The following TMEM117 variants were observed in gnomAD, a reference collection of about 807,000 sequenced individuals.
TMEM117 encodes the protein transmembrane protein 117.
Under a neutral mutation model 52.4 loss-of-function variants are expected in TMEM117, and 27 were observed. That is an observed-to-expected ratio of 0.51 (90% CI 0.38 to 0.71). TMEM117 has a LOEUF of 0.71. TMEM117 is among the 30% of genes least tolerant of loss of function. TMEM117 has a pLI of 0.00. For missense variants in TMEM117, 556 were observed against 630.5 expected (o/e 0.88, Z 1.26); for synonymous variants, 215 against 206.3 (o/e 1.04, Z -0.36).
At chr12:43,877,142 T>C (rs1943811371) in intron 2 of TMEM117, among the ~76,000 whole-genome samples, 1 of 152,180 alleles carries the variant, frequency 6.6e-6, no homozygotes, top group South Asian at 2.1e-4. Flanking sequence ...CATTAAAAAT[T>C]ATGCTCATTT....
intron 3 of TMEM117, among the ~76,000 whole-genome samples, chr12:44,110,285 G>C (rs1214047007): frequency 6.7e-6 from 1 of 149,426 alleles, no homozygotes; most frequent in Non-Finnish European, 1.5e-5. Flanking sequence ...TCTTGTGCCA[G>C]TTTTCAAAGG....
intron 3 of TMEM117, among the ~76,000 whole-genome samples, chr12:44,027,946 C>T (rs1946570416): frequency 6.6e-6 from 1 of 152,166 alleles, no homozygotes; most frequent in Non-Finnish European, 1.5e-5. Flanking sequence ...TGGCTCACGC[C>T]TGTAATCCCA....
chr12:43,867,433 T>C (rs780309722), intron 2 of TMEM117, among the ~76,000 whole-genome samples: 3 of 152,186 alleles, frequency 2.0e-5, no homozygotes, highest in South Asian at 2.1e-4. Flanking sequence ...AGGAAGAGTA[T>C]ACAGATGGGA....
intron 6 of TMEM117, among the ~76,000 whole-genome samples, chr12:44,356,049 G>A (rs1456569995): frequency 6.6e-6 from 1 of 152,032 alleles, no homozygotes; most frequent in African/African-American, 2.4e-5. Context: ...GATGCCACAT[G>A]GTAAAAGAGA....
At chr12:43,926,249 C>T (rs999657817) in intron 2 of TMEM117, among the ~76,000 whole-genome samples, 1 of 152,276 alleles carries the variant, frequency 6.6e-6, no homozygotes, top group South Asian at 2.1e-4. Flanking sequence ...AAAACATTGG[C>T]TGGCATATCC....
At chr12:44,326,594 C>G (rs1056302679) in intron 6 of TMEM117, among the ~76,000 whole-genome samples, 2 of 152,194 alleles carry the variant, frequency 1.3e-5, no homozygotes, top group African/African-American at 4.8e-5. Flanking sequence ...TGCATCAGAT[C>G]ATATGAAGAG....
At chr12:44,376,470 A>G (rs1052204912) in intron 6 of TMEM117, 125 bp from the exon 7 acceptor site, 16 of 1,132,330 alleles carry the variant, frequency 1.4e-5, no homozygotes, top group South Asian at 3.9e-5. Flanking sequence ...TGAAACTGAT[A>G]TATCCAACAG....
chr12:44,000,296 A>G (rs1197347544), intron 3 of TMEM117, among the ~76,000 whole-genome samples: 2 of 152,300 alleles, frequency 1.3e-5, no homozygotes, highest in Non-Finnish European at 2.9e-5. Context: ...AGAAGTATGT[A>G]TGGAACTGAG....
At chr12:44,373,257 T>C (rs985141341) in intron 6 of TMEM117, among the ~76,000 whole-genome samples, 4 of 152,218 alleles carry the variant, frequency 2.6e-5, no homozygotes, top group African/African-American at 9.6e-5. Flanking sequence ...AGTAAGCTCC[T>C]GTTCTTCTGT....
chr12:44,374,272 AAGGC>A (rs1367091287), intron 6 of TMEM117, among the ~76,000 whole-genome samples: 3 of 152,176 alleles, frequency 2.0e-5, no homozygotes, highest in Admixed American at 2.0e-4. Flanking sequence ...GAATGGAGGC[AAGGC>A]TTTAAGAGAT....
upstream of TMEM117, among the ~76,000 whole-genome samples, chr12:43,834,514 T>C (rs1245611180): frequency 1.3e-5 from 2 of 152,164 alleles, no homozygotes; most frequent in African/African-American, 4.8e-5. Context: ...AGTGCTAGCA[T>C]AGGCAACAAC....
At chr12:43,806,410 G>A in the TMEM117 span, 1 of 1,154,402 alleles carries the variant, frequency 8.7e-7, no homozygotes, top group South Asian at 4.1e-5. Context: ...CGTCCCCGCC[G>A]CCCCGCCGCC....
chr12:44,007,195 A>G (rs1240863390), intron 3 of TMEM117, among the ~76,000 whole-genome samples: 1 of 152,194 alleles, frequency 6.6e-6, no homozygotes, highest in Admixed American at 6.5e-5. Flanking sequence ...AGCATACATA[A>G]TCAAATATGT....
At chr12:44,231,762 T>C (rs1183624872) in intron 5 of TMEM117, among the ~76,000 whole-genome samples, 1 of 151,838 alleles carries the variant, frequency 6.6e-6, no homozygotes, top group Non-Finnish European at 1.5e-5. Flanking sequence ...TGTTCAAGTT[T>C]CTTGCCCATG....
intron 3 of TMEM117, among the ~76,000 whole-genome samples, chr12:43,997,469 A>G (rs919676942): frequency 1.3e-5 from 2 of 152,176 alleles, no homozygotes; most frequent in African/African-American, 4.8e-5. Flanking sequence ...CATCAAGTTC[A>G]GACTACATAT....
chr12:43,796,953 A>T, the TMEM117 span: 37 of 1,603,296 alleles, frequency 2.3e-5, no homozygotes, highest in East Asian at 8.0e-4. Flanking sequence ...CAAAAACTGA[A>T]GATTTTAAAA....
At chr12:44,024,762 G>T (rs1301042245) in intron 3 of TMEM117, among the ~76,000 whole-genome samples, 1 of 151,936 alleles carries the variant, frequency 6.6e-6, no homozygotes, top group African/African-American at 2.4e-5. Flanking sequence ...TTATTTTAAC[G>T]ATTAGTCAGT....
chr12:44,164,399 A>T (rs1400875198), intron 4 of TMEM117, among the ~76,000 whole-genome samples: 1 of 152,070 alleles, frequency 6.6e-6, no homozygotes, highest in Non-Finnish European at 1.5e-5. Context: ...TCATTTTATC[A>T]TTCTTATGCC....
chr12:44,280,178 T>C (rs2138591857), intron 5 of TMEM117, among the ~76,000 whole-genome samples: 1 of 152,364 alleles, frequency 6.6e-6, no homozygotes, highest in Non-Finnish European at 1.5e-5. Context: ...CCCTGACCTT[T>C]TCTTGGTCTA....
Sources: gnomAD v4.1 joint callset for allele counts (sites outside exome capture counted in the v4.1 genomes callset) on GRCh38, gnomAD v4.1.1 for gene constraint, MANE v1.5 for transcripts, NCBI Gene and HGNC (gene_info 2026-07-23, HGNC 2026-07-21) for gene names.